TNRC6A: variants seen among roughly 807,000 people sequenced by gnomAD.
The protein encoded by TNRC6A is trinucleotide repeat containing adaptor 6A.
A neutral mutation model predicts 221.2 loss-of-function variants in TNRC6A; 44 were observed. That is an observed-to-expected ratio of 0.20 (90% CI 0.16 to 0.26). The LOEUF (loss-of-function observed/expected upper bound fraction) is 0.26, where lower values mean the gene tolerates loss of function less well. Among genes scored for constraint, TNRC6A ranks in the 10% least tolerant of loss-of-function variants. The pLI is 1.00. For missense variants in TNRC6A, 2,199 were observed against 2,404.4 expected (o/e 0.91, Z 1.79); for synonymous variants, 847 against 838.5 (o/e 1.01, Z -0.18).
intron 17 of TNRC6A, 129 bp downstream of exon 17, chr16:24,806,913 A>AGAGTT (rs2058444511): frequency 1.2e-6 from 1 of 862,694 alleles, no homozygotes; most frequent in African/African-American, 1.7e-5. Flanking sequence ...TCCCTCTCAG[A>AGAGTT]GAGTTGCCAT....
intron 11 of TNRC6A, among the ~76,000 whole-genome samples, chr16:24,801,881 G>A (rs757387573): frequency 6.6e-5 from 10 of 152,238 alleles, no homozygotes; most frequent in Non-Finnish European, 1.5e-4. Context: ...TTGGTTACAG[G>A]ATTAGATGAA....
chr16:24,724,764 A>G (rs1243930865), upstream of TNRC6A, among the ~76,000 whole-genome samples: 5 of 152,242 alleles, frequency 3.3e-5, no homozygotes, highest in East Asian at 5.8e-4. Context: ...AAATAAATAA[A>G]TAAATTCTCT....
chr16:24,781,040 ACTCT>A (rs2057832066), intron 5 of TNRC6A, among the ~76,000 whole-genome samples: 3 of 72,232 alleles, frequency 4.2e-5, no homozygotes, highest in African/African-American at 2.1e-4. Context: ...AAGCCTCCAT[ACTCT>A]TTTTTTTTTT....
chr16:24,819,507 C>CTTTTTTTTTTTTTTTTTTTTTTTT (rs71383722), intron 21 of TNRC6A: 5 of 82,012 alleles, frequency 6.1e-5, no homozygotes, highest in African/African-American at 9.4e-5. Context: ...CTTTTTCTTT[C>CTTTTTTTTTTTTTTTTTTTTTTTT]TTTTTTTTTT....
chr16:24,785,787 G>C (rs1434760424), intron 5 of TNRC6A, among the ~76,000 whole-genome samples: 1 of 152,148 alleles, frequency 6.6e-6, no homozygotes, highest in Non-Finnish European at 1.5e-5. Context: ...CCTGCCTTGT[G>C]AAAGTGGCCA....
Position 24,825,130 on chromosome 16 carries a change from G to A in TNRC6A, c.*1323G>A, listed in dbSNP as rs1271002663. 6.6e-6 allele frequency: 1 copy of A among 152,570 alleles called. No homozygotes were observed. The highest frequency in any genetic ancestry group is 1.5e-5 in the Non-Finnish European group (1 of 68,026). The allele number at this position is 152,570 out of a possible 1,614,324, so 9.5% of individuals were successfully genotyped here. On this transcript the variant is annotated 3_prime_UTR_variant, in exon 25 of 25. Transcript: ENST00000395799. ...TATTGGGCTTACAGAGTTGTTTGTT[G>A]TATAAAGAAAATTTTAAATGTTGTT...
intron 3 of TNRC6A, among the ~76,000 whole-genome samples, chr16:24,757,542 TTGA>T (rs2057278657): frequency 6.6e-6 from 1 of 152,170 alleles, no homozygotes; most frequent in South Asian, 2.1e-4. Flanking sequence ...GATCAACAGA[TTGA>T]TGTTTTGCTT....
intron 2 of TNRC6A, among the ~76,000 whole-genome samples, chr16:24,704,664 C>CAAAAAAAAAAAAAAAA (rs58926085): frequency 3.5e-4 from 24 of 69,462 alleles, no homozygotes; most frequent in Non-Finnish European, 5.1e-4. Flanking sequence ...GACTCCGTCT[C>CAAAAAAAAAAAAAAAA]AAAAAAAAAA....
In TNRC6A at chr16:24,736,373, A is replaced by C. The variant is rs1045593473; in HGVS notation, c.53+6073A>C. On this transcript the variant is annotated intron_variant, in intron 2 of 24. Transcript: ENST00000395799. ...AGCAATCAAATGATCACCCACAGGA[A>C]GTTTAACTTTACAATTCTGTCTGGT... is the stretch of plus-strand genomic sequence containing the variant. Among the ~76,000 whole-genome samples, 3 of 152,190 alleles carry C rather than the reference A, an allele frequency of 2.0e-5. No homozygotes were observed. The East Asian group carries it at 5.8e-4, about 29-fold the overall frequency.
intron 1 of TNRC6A, among the ~76,000 whole-genome samples, chr16:24,614,797 C>T (rs765206846): frequency 3.3e-5 from 5 of 152,210 alleles, no homozygotes; most frequent in East Asian, 1.9e-4. Flanking sequence ...TGGACCAGCA[C>T]GGTGGCTTAC....
chr16:24,618,212 C>T lies in TNRC6A; in HGVS notation n.276+7728C>T, dbSNP rs114763404. ...CTGGGGTTACTGGCGTGAGCCACTG[C>T]GCCCAGCCCATGCTTTTTTCAAGGC... On this transcript the variant is annotated intron_variant and non_coding_transcript_variant, in intron 1 of 2. Coordinates refer to the TNRC6A transcript ENST00000566108. Among the ~76,000 whole-genome samples, 814 of 152,292 alleles carry T rather than the reference C, an allele frequency of 5.3e-3. 5 individuals carry two copies. Among genetic ancestry groups the T allele is most frequent in the African/African-American group, 0.019 (770 of 41,560 alleles).
intron 2 of TNRC6A, among the ~76,000 whole-genome samples, chr16:24,712,751 T>C (rs1053237966): frequency 6.6e-6 from 1 of 152,174 alleles, no homozygotes; most frequent in Non-Finnish European, 1.5e-5. Flanking sequence ...TCTTTATTTC[T>C]GTTCTGTTTT....
chr16:24,656,991 C>T (rs565777928), intron 2 of TNRC6A, among the ~76,000 whole-genome samples: 5 of 152,072 alleles, frequency 3.3e-5, no homozygotes, highest in African/African-American at 1.2e-4. Context: ...AAACCATGAC[C>T]TGGGTCTTTG....
chr16:24,623,733 T>G (rs141321076), intron 1 of TNRC6A, among the ~76,000 whole-genome samples: 241 of 150,402 alleles, frequency 1.6e-3, no homozygotes, highest in Middle Eastern at 3.4e-3. Flanking sequence ...TCTAAAAAAA[T>G]TAAAATAAAA....
chr16:24,729,873 G>C, intron 1 of TNRC6A, 27 bp downstream of exon 1: 1 of 1,267,984 alleles, frequency 7.9e-7, no homozygotes, highest in African/African-American at 1.6e-5. Context: ...CCTCCCTCCG[G>C]GCGGGAGGAG....
At chr16:24,811,470 A>G (rs940075704) in intron 18 of TNRC6A, among the ~76,000 whole-genome samples, 2 of 152,146 alleles carry the variant, frequency 1.3e-5, no homozygotes, top group Non-Finnish European at 2.9e-5. Flanking sequence ...CAAGGCTTCT[A>G]GGAGGCCTGT....
At position 24,626,750 on chromosome 16, in the gene TNRC6A, C is replaced by A. The variant is rs188995428; in HGVS notation, n.277-14134C>A. Among the ~76,000 whole-genome samples the A allele has an allele frequency of 6.1e-3, 923 of 150,160 alleles. 7 individuals carry two copies. Among genetic ancestry groups the A allele is most frequent in the African/African-American group, 0.022 (891 of 40,930 alleles). On this transcript the variant is annotated intron_variant and non_coding_transcript_variant, in intron 1 of 2. Transcript: ENST00000566108. ...CTGCAAGCTCCGCCTCCCGGGTTCA[C>A]GCCATTCTCTTGCCTCAGCCTCCTG...
intron 5 of TNRC6A, among the ~76,000 whole-genome samples, chr16:24,787,592 T>C (rs2058001945): frequency 6.6e-6 from 1 of 152,198 alleles, no homozygotes; most frequent in South Asian, 2.1e-4. Flanking sequence ...ATTCTCCTTA[T>C]GGGCACTGAA....
intron 1 of TNRC6A, among the ~76,000 whole-genome samples, chr16:24,634,396 C>T (rs1901516839): frequency 6.6e-6 from 1 of 152,140 alleles, no homozygotes; most frequent in Admixed American, 6.6e-5. Flanking sequence ...TGCCACTACA[C>T]TCCAGCCTGG....
Sources: allele counts gnomAD v4.1 joint callset (sites outside exome capture counted in the v4.1 genomes callset), GRCh38; gene constraint gnomAD v4.1.1; transcripts MANE v1.5; gene names NCBI Gene and HGNC (gene_info 2026-07-23, HGNC 2026-07-21).